COL4A2: variants seen among roughly 807,000 people sequenced by gnomAD.
The protein encoded by COL4A2 is collagen alpha-2(IV) chain.
COL4A2 carries 99 observed loss-of-function variants against 200.2 expected under a neutral mutation model. That is an observed-to-expected ratio of 0.49 (90% confidence interval 0.42 to 0.58). The LOEUF (loss-of-function observed/expected upper bound fraction) is 0.58. COL4A2 is among the 20% of genes least tolerant of loss of function. COL4A2 has a pLI of 0.00. For missense variants in COL4A2, 1,950 were observed against 2,314.1 expected (o/e 0.84, Z 3.23); for synonymous variants, 897 against 900.6 (o/e 1.00, Z 0.07).
At chr13:110,400,872 G>A (rs1927344) in intron 4 of COL4A2, among the ~76,000 whole-genome samples, 90,194 of 152,028 alleles carry the variant, frequency 0.59, 27,384 homozygotes, top group Non-Finnish European at 0.67. Context: ...TTGGCAGAGA[G>A]ATACTTAAGA....
intron 4 of COL4A2, among the ~76,000 whole-genome samples, chr13:110,373,941 T>C (rs1269789756): frequency 1.3e-5 from 2 of 152,248 alleles, no homozygotes; most frequent in Non-Finnish European, 2.9e-5. Flanking sequence ...TGTGCAGCCG[T>C]GGCCAGTTTT....
At chr13:110,383,446 T>A (rs773836313) in intron 4 of COL4A2, among the ~76,000 whole-genome samples, 1 of 152,162 alleles carries the variant, frequency 6.6e-6, no homozygotes, top group Non-Finnish European at 1.5e-5. Context: ...TGTACTGCAG[T>A]GCAGTTGTGG....
At chr13:110,378,262 C>T (rs1384434533) in intron 4 of COL4A2, among the ~76,000 whole-genome samples, 2 of 152,176 alleles carry the variant, frequency 1.3e-5, no homozygotes, top group African/African-American at 2.4e-5. Context: ...GGATTTGCTG[C>T]TCAAATCATT....
intron 13 of COL4A2, among the ~76,000 whole-genome samples, chr13:110,436,947 C>T (rs1341412049): frequency 1.3e-5 from 2 of 152,180 alleles, no homozygotes; most frequent in South Asian, 2.1e-4. Context: ...CTTCCTGTTC[C>T]CCCTGTCAAA....
intron 31 of COL4A2, among the ~76,000 whole-genome samples, chr13:110,480,948 T>A (rs1236924410): frequency 7.9e-4 from 112 of 141,880 alleles, no homozygotes; most frequent in African/African-American, 2.6e-3. Context: ...GGAGACACAC[T>A]GTTCTGTCCC....
chr13:110,347,107 A>C (rs542558044), intron 3 of COL4A2, among the ~76,000 whole-genome samples: 7 of 152,308 alleles, frequency 4.6e-5, no homozygotes, highest in African/African-American at 1.4e-4. Context: ...GCCAGGGCAG[A>C]GGATGTGTGT....
chr13:110,317,264 TCA>T (rs527630448), intron 3 of COL4A2, among the ~76,000 whole-genome samples: 37 of 142,560 alleles, frequency 2.6e-4, no homozygotes, highest in African/African-American at 9.5e-4. Flanking sequence ...TGCACCACAC[TCA>T]CACATACACA....
intron 47 of COL4A2, among the ~76,000 whole-genome samples, chr13:110,509,297 A>ACACAC (rs1566575730): frequency 7.1e-6 from 1 of 141,820 alleles, no homozygotes; most frequent in Non-Finnish European, 1.5e-5. Flanking sequence ...ACACACACAC[A>ACACAC]ACATAAAATA....
At chr13:110,396,518 C>G (rs1879188440) in intron 4 of COL4A2, among the ~76,000 whole-genome samples, 1 of 152,146 alleles carries the variant, frequency 6.6e-6, no homozygotes, top group Non-Finnish European at 1.5e-5. Flanking sequence ...CAAGAAAGCT[C>G]CAGGAGTGGT....
At position 110,436,360 on chromosome 13, in the gene COL4A2, A is replaced by G. The variant is rs746705508; in HGVS notation, c.818A>G (p.Gln273Arg). Residue 273 changes from glutamine (Q) to arginine (R), a missense_variant, in exon 13 of 48, where the codon CAG becomes CGG. Gln to Arg is a conservative substitution (Grantham distance 43). Coordinates refer to ENST00000360467, the MANE Select transcript of COL4A2 (RefSeq NM_001846.4). ...ACAGGAGTCACCTTCCACCCAGATC[A>G]GTACAAGGTAAAGAGCAAAATTGAC... ...APTGVTFHPD[Q>R]YKGEKGSEGE... 1.7e-5 allele frequency: 27 copies of G among 1,613,010 alleles called. No individual in the cohort carries two copies. The highest frequency in any genetic ancestry group is 2.3e-5 in the Non-Finnish European group (27 of 1,179,536).
rs2139564895 is a variant in COL4A2, at chr13:110,512,260, A to G, written c.*69A>G. The G allele has an allele frequency of 6.7e-7, 1 of 1,486,298 alleles. No homozygotes were observed. Among genetic ancestry groups the G allele is most frequent in the Non-Finnish European group, 8.9e-7 (1 of 1,124,436 alleles). The allele number at this position is 1,486,298 out of a possible 1,614,324, so 92.1% of individuals were successfully genotyped here. ...CTTATTACCTCAGGTGCCAACCCAA[A>G]AATTGGTTTTATTTTTTTCTTAAAA... is the stretch of plus-strand genomic sequence containing the variant. On this transcript the variant is annotated 3_prime_UTR_variant, in exon 48 of 48. Coordinates refer to ENST00000360467, the MANE Select transcript of COL4A2 (RefSeq NM_001846.4).
At chr13:110,311,983 T>C (rs1386209072) in intron 3 of COL4A2, among the ~76,000 whole-genome samples, 1 of 152,236 alleles carries the variant, frequency 6.6e-6, no homozygotes, top group Non-Finnish European at 1.5e-5. Context: ...TGGCAAGTCC[T>C]TTCCGCAGGC....
At chr13:110,463,660 G>A (rs1225738177) in intron 24 of COL4A2, among the ~76,000 whole-genome samples, 1 of 152,102 alleles carries the variant, frequency 6.6e-6, no homozygotes, top group Non-Finnish European at 1.5e-5. Context: ...AACCTCCCGA[G>A]TACCTGGGAC....
chr13:110,336,992 A>G (rs545518808), intron 3 of COL4A2, among the ~76,000 whole-genome samples: 2 of 152,338 alleles, frequency 1.3e-5, no homozygotes, highest in Admixed American at 1.3e-4. Flanking sequence ...GAAGTTCCCA[A>G]ATGTTGCTCT....
At chr13:110,462,687 T>G (rs1882077138) in intron 24 of COL4A2, among the ~76,000 whole-genome samples, 1 of 152,332 alleles carries the variant, frequency 6.6e-6, no homozygotes, top group Non-Finnish European at 1.5e-5. Context: ...CTAAAATGGG[T>G]GGTGGAACCC....
chr13:110,411,789 G>A (rs1594199499), intron 4 of COL4A2, among the ~76,000 whole-genome samples: 1 of 152,238 alleles, frequency 6.6e-6, no homozygotes, highest in African/African-American at 2.4e-5. Context: ...CTCAAGGGAA[G>A]TCTGTGTGGA....
intron 45 of COL4A2, among the ~76,000 whole-genome samples, chr13:110,505,159 G>A (rs559086421): frequency 7.3e-5 from 11 of 151,406 alleles, no homozygotes; most frequent in Admixed American, 4.6e-4. Context: ...GACCATCCTG[G>A]CTAACACGGT....
chr13:110,463,314 T>A (rs1245323034), intron 24 of COL4A2: 1 of 152,188 alleles, frequency 6.6e-6, no homozygotes, highest in African/African-American at 2.4e-5. Flanking sequence ...TTCCCCTTTT[T>A]ATAGGGAGAG....
intron 16 of COL4A2, among the ~76,000 whole-genome samples, chr13:110,444,332 C>T (rs962239958): frequency 6.6e-6 from 1 of 152,212 alleles, no homozygotes; most frequent in African/African-American, 2.4e-5. Context: ...CCAGGGCACC[C>T]TCTGAGCTGG....
Sources: gnomAD v4.1 joint callset for allele counts (sites outside exome capture counted in the v4.1 genomes callset) on GRCh38, gnomAD v4.1.1 for gene constraint, MANE v1.5 for transcripts, NCBI Gene and HGNC (gene_info 2026-07-23, HGNC 2026-07-21) for gene names.